Variants in INPP5F observed in about 807,000 individuals in gnomAD.
INPP5F encodes the protein phosphatidylinositide 4-phosphatase SAC2.
Under a neutral mutation model 137.2 loss-of-function variants are expected in INPP5F, and 97 were observed. The observed-to-expected ratio is 0.71, with a 90% CI of 0.60 to 0.84. INPP5F has a LOEUF of 0.84. INPP5F is among the 40% of genes least tolerant of loss of function. INPP5F has a pLI of 0.00. For missense variants in INPP5F, 1,271 were observed against 1,371.9 expected (o/e 0.93, Z 1.16); for synonymous variants, 504 against 476.9 (o/e 1.06, Z -0.74).
chr10:119,821,009 T>A (rs1010725700), intron 16 of INPP5F, 92 bp downstream of exon 16: 21 of 812,968 alleles, frequency 2.6e-5, no homozygotes, highest in South Asian at 1.0e-4. Context: ...AATGTGAGAA[T>A]ATGGTTTTGT....
intron 1 of INPP5F, among the ~76,000 whole-genome samples, chr10:119,730,621 T>C (rs1308373171): frequency 1.3e-5 from 2 of 152,214 alleles, no homozygotes; most frequent in Admixed American, 6.5e-5. Flanking sequence ...TTGTCTGATA[T>C]GACAGTATTA....
chr10:119,791,038 C>A (rs971468840), intron 3 of INPP5F, among the ~76,000 whole-genome samples: 2 of 152,272 alleles, frequency 1.3e-5, no homozygotes, highest in South Asian at 4.1e-4. Context: ...GTTGAAATGT[C>A]CAGCTTTTAG....
chr10:119,762,755 G>A (rs1222346766), intron 2 of INPP5F, among the ~76,000 whole-genome samples: 1 of 152,092 alleles, frequency 6.6e-6, no homozygotes, highest in Non-Finnish European at 1.5e-5. Context: ...GGGGGTTCTA[G>A]AATCAATCCC....
At chr10:119,786,645 G>T (rs1439822588) in intron 3 of INPP5F, among the ~76,000 whole-genome samples, 1 of 151,918 alleles carries the variant, frequency 6.6e-6, no homozygotes, top group Non-Finnish European at 1.5e-5. Context: ...CCAAGTGGCT[G>T]GGATTACAGG....
At chr10:119,808,441 A>G (rs1850887219) in intron 13 of INPP5F, among the ~76,000 whole-genome samples, 1 of 152,214 alleles carries the variant, frequency 6.6e-6, no homozygotes, top group South Asian at 2.1e-4. Context: ...TTTGAGTTTG[A>G]ATCCCAACCC....
intron 2 of INPP5F, among the ~76,000 whole-genome samples, chr10:119,779,925 T>A (rs1385983054): frequency 6.6e-6 from 1 of 152,194 alleles, no homozygotes; most frequent in Non-Finnish European, 1.5e-5. Flanking sequence ...CCTAAAATAA[T>A]GGTAAAAAGT....
intron 3 of INPP5F, 53 bp from the exon 4 acceptor site, chr10:119,791,464 C>T: frequency 2.1e-6 from 3 of 1,440,194 alleles, no homozygotes; most frequent in South Asian, 1.2e-5. Flanking sequence ...TGCACTCGAA[C>T]ATTTAACAAA....
At chr10:119,824,048 C>G (rs1851669232) in intron 19 of INPP5F, 146 bp downstream of exon 19, 1 of 589,634 alleles carries the variant, frequency 1.7e-6, no homozygotes, top group East Asian at 2.9e-5. Flanking sequence ...TTCTGCAGAT[C>G]AAAATACTTT....
At chr10:119,804,727 C>CT (rs879653729) in intron 10 of INPP5F, among the ~76,000 whole-genome samples, 246 of 143,830 alleles carry the variant, frequency 1.7e-3, no homozygotes, top group Admixed American at 1.7e-3. Context: ...ATCAGGGCAT[C>CT]TTTTTTTTTT....
chr10:119,810,856 C>A (rs963591455), intron 14 of INPP5F, among the ~76,000 whole-genome samples: 1 of 152,148 alleles, frequency 6.6e-6, no homozygotes, highest in Non-Finnish European at 1.5e-5. Context: ...ACATAGCTGA[C>A]CTGTGGTCCC....
intron 2 of INPP5F, among the ~76,000 whole-genome samples, chr10:119,775,707 A>G (rs1742377624): frequency 2.0e-5 from 3 of 152,154 alleles, no homozygotes; most frequent in Admixed American, 2.0e-4. Flanking sequence ...TGAGTCATTC[A>G]TTGATAACTG....
intron 2 of INPP5F, among the ~76,000 whole-genome samples, chr10:119,769,216 G>A (rs1471122770): frequency 6.6e-6 from 1 of 152,188 alleles, no homozygotes; most frequent in Non-Finnish European, 1.5e-5. Flanking sequence ...AGGATGGTGA[G>A]CCATGTCTAG....
In INPP5F at chr10:119,827,797, T is replaced by C. The variant is rs1231041871; in HGVS notation, c.*17T>C. On this transcript the variant is annotated 3_prime_UTR_variant, in exon 20 of 20. Coordinates refer to ENST00000650623, the MANE Select transcript of INPP5F (RefSeq NM_014937.4). Reference sequence around the variant, plus strand: ...CAGATTTAGCTTTTAGCCATAAGAATCCTTCCATGGCTTTTATTTAAAAAT... The same window carrying C: ...CAGATTTAGCTTTTAGCCATAAGAACCCTTCCATGGCTTTTATTTAAAAAT... 4 of 1,526,452 alleles carry C rather than the reference T, an allele frequency of 2.6e-6. No individual in the cohort carries two copies. Among genetic ancestry groups the C allele is most frequent in the Non-Finnish European group, 3.6e-6 (4 of 1,117,104 alleles). The allele number at this position is 1,526,452 out of a possible 1,614,324, so 94.6% of individuals were successfully genotyped here. A position where few individuals can be genotyped will look rare whatever the true frequency, so the allele number is the denominator to read the frequency against.
chr10:119,732,335 TAGG>T (rs902880339), intron 1 of INPP5F, among the ~76,000 whole-genome samples: 1 of 151,270 alleles, frequency 6.6e-6, no homozygotes, highest in African/African-American at 2.4e-5. Context: ...CCACGCCTGG[TAGG>T]AGTACAAAGT....
Position 119,828,061 on chromosome 10 carries a change from G to C in INPP5F, c.*281G>C. The stretch of plus-strand genomic sequence containing the variant: ...AACAGGTCACTTTGGGATATAACCT[G>C]AACCTTTTTTTGGAGTGGGGTGGGT... On this transcript the variant is annotated 3_prime_UTR_variant, in exon 20 of 20. Transcript: ENST00000650623. The C allele has an allele frequency of 3.6e-6, 1 of 275,058 alleles. No homozygotes were observed. Among genetic ancestry groups the C allele is most frequent in the East Asian group, 8.6e-5 (1 of 11,564 alleles). 17.0% of individuals were successfully genotyped at this position (275,058 alleles called of 1,614,324 possible).
At chr10:119,743,013 A>C (rs1291813409) in intron 1 of INPP5F, among the ~76,000 whole-genome samples, 1 of 152,178 alleles carries the variant, frequency 6.6e-6, no homozygotes, top group Non-Finnish European at 1.5e-5. Flanking sequence ...AAAGAAAGAA[A>C]GAAAGAGCCC....
At chr10:119,786,169 C>T (rs899839249) in intron 3 of INPP5F, among the ~76,000 whole-genome samples, 1 of 152,174 alleles carries the variant, frequency 6.6e-6, no homozygotes, top group African/African-American at 2.4e-5. Flanking sequence ...CCCTTAGTCT[C>T]GGTCACAAGA....
chr10:119,813,373 G>A (rs936170253), intron 15 of INPP5F, among the ~76,000 whole-genome samples: 2 of 152,200 alleles, frequency 1.3e-5, no homozygotes, highest in Non-Finnish European at 2.9e-5. Context: ...GAATAATGGT[G>A]TGGTGGCTTG....
At chr10:119,750,787 G>A (rs1313410120) in intron 1 of INPP5F, among the ~76,000 whole-genome samples, 1 of 152,146 alleles carries the variant, frequency 6.6e-6, no homozygotes, top group African/African-American at 2.4e-5. Context: ...TAGTGTAATG[G>A]CCCTGTTCCT....
Sources: gnomAD v4.1 joint callset for allele counts (sites outside exome capture counted in the v4.1 genomes callset) on GRCh38, gnomAD v4.1.1 for gene constraint, MANE v1.5 for transcripts, NCBI Gene and HGNC (gene_info 2026-07-23, HGNC 2026-07-21) for gene names.